WAC: variants seen among roughly 807,000 people sequenced by gnomAD.
WAC encodes the protein WW domain containing adaptor with coiled-coil, also known as WW domain-containing adapter protein with coiled-coil.
A neutral mutation model predicts 79.6 loss-of-function variants in WAC; 11 were observed. The observed-to-expected ratio is 0.14, with a 90% CI of 0.09 to 0.23. The LOEUF (loss-of-function observed/expected upper bound fraction) is 0.23. Among genes scored for constraint, WAC ranks in the 10% least tolerant of loss-of-function variants. WAC has a pLI of 1.00. For missense variants in WAC, 728 were observed against 773.5 expected (o/e 0.94, Z 0.70); for synonymous variants, 304 against 276.9 (o/e 1.10, Z -0.97).
chr10:28,556,388 ATTTTTTTTTTTT>A (rs764934182), intron 3 of WAC, among the ~76,000 whole-genome samples: 5 of 55,048 alleles, frequency 9.1e-5, no homozygotes, highest in Non-Finnish European at 1.3e-4. Flanking sequence ...TGCCCATTAA[ATTTTTTTTTTTT>A]TTTTTTTTTT....
At chr10:28,562,773 A>G (rs1290953142) in intron 3 of WAC, among the ~76,000 whole-genome samples, 1 of 152,256 alleles carries the variant, frequency 6.6e-6, no homozygotes, top group East Asian at 1.9e-4. Context: ...TGACAGTGAT[A>G]GAATGAAAAT....
At chr10:28,583,090 C>T (rs1564400248) in intron 3 of WAC, among the ~76,000 whole-genome samples, 2 of 152,014 alleles carry the variant, frequency 1.3e-5, no homozygotes, top group Non-Finnish European at 2.9e-5. Flanking sequence ...TCCAGTAAAA[C>T]TTTAAGAAAA....
intron 4 of WAC, among the ~76,000 whole-genome samples, chr10:28,584,666 T>C (rs534428274): frequency 9.4e-4 from 143 of 152,308 alleles, no homozygotes; most frequent in African/African-American, 3.2e-3. Flanking sequence ...CATGTCTTAA[T>C]TGACGTTGAA....
At chr10:28,611,966 T>C (rs2132835168) in intron 10 of WAC, 44 bp downstream of exon 10, 2 of 1,597,246 alleles carry the variant, frequency 1.3e-6, no homozygotes, top group Non-Finnish European at 1.7e-6. Context: ...ACTACTTACT[T>C]TTGGAAAGTC....
At chr10:28,544,573 T>C (rs1463700504) in intron 3 of WAC, among the ~76,000 whole-genome samples, 1 of 152,168 alleles carries the variant, frequency 6.6e-6, no homozygotes, top group African/African-American at 2.4e-5. Context: ...TGATTAAATT[T>C]AGTGTCAGAT....
chr10:28,562,805 A>G (rs1302242303), intron 3 of WAC, among the ~76,000 whole-genome samples: 1 of 152,326 alleles, frequency 6.6e-6, no homozygotes. Context: ...CATTAGGGCA[A>G]AACCTCTAGC....
At chr10:28,571,740 T>C (rs1217591637) in intron 3 of WAC, among the ~76,000 whole-genome samples, 1 of 152,224 alleles carries the variant, frequency 6.6e-6, no homozygotes, top group Non-Finnish European at 1.5e-5. Flanking sequence ...CTTGGTTAAT[T>C]AGGGTCAGGA....
intron 7 of WAC, among the ~76,000 whole-genome samples, chr10:28,602,510 T>C (rs1246523735): frequency 6.6e-6 from 1 of 152,146 alleles, no homozygotes; most frequent in African/African-American, 2.4e-5. Flanking sequence ...TATTACAAAA[T>C]AGATAAAGCA....
chr10:28,557,826 G>A (rs1049802909), intron 3 of WAC, among the ~76,000 whole-genome samples: 2 of 152,184 alleles, frequency 1.3e-5, no homozygotes, highest in Non-Finnish European at 2.9e-5. Context: ...TGTAATCCCA[G>A]CGCTTTCAGA....
chr10:28,551,190 C>T (rs138420211), intron 3 of WAC, among the ~76,000 whole-genome samples: 182 of 152,296 alleles, frequency 1.2e-3, no homozygotes, highest in Non-Finnish European at 1.7e-3. Context: ...AAGCTACTTA[C>T]ACATCCGTAA....
chr10:28,614,473 C>CTTCTTTAAA, intron 10 of WAC, 94 bp from the exon 11 acceptor site: 8 of 1,026,930 alleles, frequency 7.8e-6, no homozygotes, highest in South Asian at 2.8e-5. Flanking sequence ...ACTTGACTGC[C>CTTCTTTAAA]ACATTTTACA....
At position 28,621,657 on chromosome 10, in the gene WAC, C is replaced by T. The variant is rs1056225173; in HGVS notation, c.*2051C>T. 2.6e-5 allele frequency: 4 copies of T among 152,154 alleles called. No individual in the cohort carries two copies. Among genetic ancestry groups the T allele is most frequent in the African/African-American group, 9.7e-5 (4 of 41,428 alleles). The allele number at this position is 152,154 out of a possible 1,614,324, so 9.4% of individuals were successfully genotyped here. ...AAAGAGCTGTGTGTTCAGCTAGAAA[C>T]CTTACTGTATCTTTCCTGGAAAGAA... On this transcript the variant is annotated 3_prime_UTR_variant, in exon 14 of 14. Coordinates refer to ENST00000354911, the MANE Select transcript of WAC (RefSeq NM_016628.5).
chr10:28,574,643 C>T (rs1353023379), intron 3 of WAC, among the ~76,000 whole-genome samples: 1 of 152,146 alleles, frequency 6.6e-6, no homozygotes, highest in Non-Finnish European at 1.5e-5. Flanking sequence ...GGGGTTTCAC[C>T]ATGTTGCCCA....
At chr10:28,538,581 CAAAAAAAA>C (rs34777121) in intron 3 of WAC, among the ~76,000 whole-genome samples, 2 of 98,290 alleles carry the variant, frequency 2.0e-5, no homozygotes, top group Admixed American at 1.1e-4. Flanking sequence ...GACCCTGTCT[CAAAAAAAA>C]AAAAAAAAAA....
chr10:28,544,129 C>T (rs531602506), intron 3 of WAC, among the ~76,000 whole-genome samples: 12 of 152,316 alleles, frequency 7.9e-5, no homozygotes, highest in African/African-American at 2.2e-4. Flanking sequence ...GTGATCCATT[C>T]GCCTCAGCCT....
At chr10:28,614,514 G>T (rs996918178) in intron 10 of WAC, 53 bp from the exon 11 acceptor site, 2 of 1,375,438 alleles carry the variant, frequency 1.5e-6, no homozygotes, top group Non-Finnish European at 2.1e-6. Context: ...GATTTTGGGG[G>T]GAGAGATGTG....
rs776709763 is a variant in WAC at position 28,589,726 on chromosome 10, T to C, written c.382-10T>C. On this transcript the variant is annotated splice_polypyrimidine_tract_variant and intron_variant, in intron 4 of 13. Transcript: ENST00000354911. ...TAACATTTTCTAATTGTAAAAAATA[T>C]ATTTTTAAGCCTTATGATTCTGCAG... 29 of 1,542,278 alleles carry C rather than the reference T, an allele frequency of 1.9e-5. No individual in the cohort carries two copies. The East Asian group carries it at 5.2e-4, about 28-fold the overall frequency.
At chr10:28,613,038 T>G (rs1157767261) in intron 10 of WAC, among the ~76,000 whole-genome samples, 1 of 152,104 alleles carries the variant, frequency 6.6e-6, no homozygotes, top group Non-Finnish European at 1.5e-5. Flanking sequence ...ATTACAGCAC[T>G]TAGGAGGCCA....
intron 3 of WAC, among the ~76,000 whole-genome samples, chr10:28,541,893 G>A (rs1244576503): frequency 1.3e-5 from 2 of 152,044 alleles, no homozygotes; most frequent in Non-Finnish European, 2.9e-5. Context: ...ATTTTGCTTT[G>A]TATGATTGTT....
Sources: gnomAD v4.1 joint callset for allele counts (sites outside exome capture counted in the v4.1 genomes callset) on GRCh38, gnomAD v4.1.1 for gene constraint, MANE v1.5 for transcripts, NCBI Gene and HGNC (gene_info 2026-07-23, HGNC 2026-07-21) for gene names.